Variants in NRSN1 observed in about 807,000 individuals in gnomAD.
NRSN1 encodes neurensin-1.
A neutral mutation model predicts 17.3 loss-of-function variants in NRSN1; 14 were observed. That is an observed-to-expected ratio of 0.81 (90% confidence interval 0.54 to 1.27). NRSN1 has a LOEUF of 1.27. Ranked by LOEUF, NRSN1 falls within the 50% of genes most tolerant of loss-of-function variation. The pLI, the probability that NRSN1 is intolerant of heterozygous loss-of-function variation, is 0.00. For missense variants in NRSN1, 209 were observed against 235.9 expected, an observed-to-expected ratio of 0.89 and a Z score of 0.75; for synonymous variants, 79 against 94.2, an observed-to-expected ratio of 0.84 and a Z score of 0.93.
rs369307316 is a variant in NRSN1, at chr6:24,132,263, C to T, written c.-9-2056C>T. 5.3e-5 allele frequency among the ~76,000 whole-genome samples: 8 copies of T among 152,312 alleles called. No individual in the cohort carries two copies. In the East Asian group the frequency reaches 1.5e-3, roughly 29 times the overall value. On this transcript the variant is annotated intron_variant, in intron 2 of 3. Coordinates refer to ENST00000378491, the MANE Select transcript of NRSN1 (RefSeq NM_080723.5). ...CACTGCACAAGGAATTGCTGACTATCCCTGGTTCCAACTTTGATTTTAGCC... is the reference window on the plus strand; with the variant it reads ...CACTGCACAAGGAATTGCTGACTATTCCTGGTTCCAACTTTGATTTTAGCC...
intron 3 of NRSN1, among the ~76,000 whole-genome samples, chr6:24,144,598 A>C (rs1760270750): frequency 6.6e-6 from 1 of 152,190 alleles, no homozygotes. Context: ...TAGAGAGGAC[A>C]GACTAGAGTG....
chr6:24,135,712 A>G (rs1036830852), intron 3 of NRSN1, among the ~76,000 whole-genome samples: 3 of 152,232 alleles, frequency 2.0e-5, no homozygotes, highest in Non-Finnish European at 4.4e-5. Flanking sequence ...ATTTAAATAT[A>G]TCAATCTACG....
rs71002465 is a variant in NRSN1, at chr6:24,145,193, TATATA to T, written c.190-349_190-345del. On this transcript the variant is annotated intron_variant, in intron 3 of 3. Transcript: ENST00000378491. This position sits in a 1 kb window ranked among gnomAD's most constrained non-coding sequence, Gnocchi z 4.4. ...TATATATTATATAGATCTTTAGCTA[TATATA>T]ATATATCTTTAGATAATATAAAGAT... 0.087 allele frequency among the ~76,000 whole-genome samples: 12,512 copies of T among 144,508 alleles called. 620 individuals are homozygous for T. Among genetic ancestry groups the T allele is most frequent in the Middle Eastern group, 0.14 (37 of 274 alleles). The allele number at this position is 144,508 out of a possible 152,430, so 94.8% of individuals were successfully genotyped here.
intron 3 of NRSN1, among the ~76,000 whole-genome samples, chr6:24,135,329 AC>A (rs1282062545): frequency 6.6e-6 from 1 of 152,200 alleles, no homozygotes; most frequent in Non-Finnish European, 1.5e-5. Flanking sequence ...GAGGGAACAG[AC>A]CTGACTGAAG....
At chr6:24,137,679 C>T (rs1760137904) in intron 3 of NRSN1, among the ~76,000 whole-genome samples, 1 of 152,080 alleles carries the variant, frequency 6.6e-6, no homozygotes, top group Non-Finnish European at 1.5e-5. Context: ...CTATCCCTCC[C>T]CACTCCCCCA....
chr6:24,131,147 T>G (rs1760020811), intron 2 of NRSN1, among the ~76,000 whole-genome samples: 1 of 152,224 alleles, frequency 6.6e-6, no homozygotes, highest in Non-Finnish European at 1.5e-5. Flanking sequence ...GAGCCTTCAA[T>G]CACTCAGGCT....
intron 2 of NRSN1, chr6:24,129,116 C>T (rs1210159167): frequency 6.6e-6 from 1 of 152,216 alleles, no homozygotes; most frequent in African/African-American, 2.4e-5. Flanking sequence ...CACAATAGCA[C>T]ATTCATGAGC....
chr6:24,134,165 A>G (rs1448126067), intron 2 of NRSN1, among the ~76,000 whole-genome samples, 154 bp from the exon 3 acceptor site: 1 of 152,198 alleles, frequency 6.6e-6, no homozygotes, highest in Non-Finnish European at 1.5e-5. Flanking sequence ...CGCCCCGCCA[A>G]GAGAGAGGGG....
At chr6:24,140,402 T>C (rs868063956) in intron 3 of NRSN1, among the ~76,000 whole-genome samples, 1 of 152,180 alleles carries the variant, frequency 6.6e-6, no homozygotes, top group Non-Finnish European at 1.5e-5. Context: ...GGTCAGTCTA[T>C]GGAAGGACCT....
intron 3 of NRSN1, chr6:24,141,372 CA>C: frequency 1.7e-6 from 1 of 593,784 alleles, no homozygotes; most frequent in African/African-American, 1.9e-5. Context: ...CTGCTCTCCT[CA>C]CCTCCCATAT....
chr6:24,140,374 G>A (rs1760185359), intron 3 of NRSN1, among the ~76,000 whole-genome samples: 1 of 152,182 alleles, frequency 6.6e-6, no homozygotes, highest in African/African-American at 2.4e-5. Context: ...CAGGTGAAAG[G>A]GTCTAAGAAG....
intron 3 of NRSN1, among the ~76,000 whole-genome samples, chr6:24,136,003 A>G (rs1167717107): frequency 6.6e-6 from 1 of 152,208 alleles, no homozygotes; most frequent in African/African-American, 2.4e-5. Flanking sequence ...GTGTAACAAG[A>G]GGCTGTATAG....
rs1004685607 is a variant in NRSN1 at position 24,145,147 on chromosome 6, T to A, written c.190-401T>A. Among the ~76,000 whole-genome samples, 11 of 145,022 alleles carry A rather than the reference T, an allele frequency of 7.6e-5. No homozygotes were observed. Among genetic ancestry groups the A allele is most frequent in the Non-Finnish European group, 1.5e-5 (1 of 66,408 alleles). ...TACATATCTTTAGACATATAATATA[T>A]AATATATATATCTTTGGACATATAT... On this transcript the variant is annotated intron_variant, in intron 3 of 3. Coordinates refer to ENST00000378491, the MANE Select transcript of NRSN1 (RefSeq NM_080723.5). This position sits in a 1 kb window ranked among gnomAD's most constrained non-coding sequence, Gnocchi z 4.4.
chr6:24,144,863 AGGG>A (rs1581553959), intron 3 of NRSN1, among the ~76,000 whole-genome samples: 1 of 151,838 alleles, frequency 6.6e-6, no homozygotes, highest in Non-Finnish European at 1.5e-5. Flanking sequence ...GTCGAGGCCT[AGGG>A]GACAGAGTAA....
In NRSN1 at chr6:24,141,344, T is replaced by G. The variant is rs569539798; in HGVS notation, c.190-4204T>G. On this transcript the variant is annotated intron_variant, in intron 3 of 3. Transcript: ENST00000378491. ...CCAGTACTCAGCATGGTACCAAGAC[T>G]AAGCTGATGAGTCCCAACTGCTCTC... 5.1e-5 allele frequency: 49 copies of G among 954,496 alleles called. No individual in the cohort carries two copies. In the African/African-American group the frequency reaches 7.9e-4, roughly 15 times the overall value. The allele number at this position is 954,496 out of a possible 1,614,324, so 59.1% of individuals were successfully genotyped here. A position where few individuals can be genotyped will look rare whatever the true frequency, so the allele number is the denominator to read the frequency against.
chr6:24,137,411 A>G (rs1469792253), intron 3 of NRSN1, among the ~76,000 whole-genome samples: 1 of 152,168 alleles, frequency 6.6e-6, no homozygotes, highest in East Asian at 1.9e-4. Context: ...GTGAACAAAT[A>G]TTCTTCAAAT....
Position 24,145,489 on chromosome 6 carries a change from A to G in NRSN1, c.190-59A>G. On this transcript the variant is annotated intron_variant, in intron 3 of 3. Transcript: ENST00000378491. This position sits in a 1 kb window ranked among gnomAD's most constrained non-coding sequence, Gnocchi z 4.4. ...AGACAAGTGCTGCCCTTGAGGGCTCAGGGGCGAGCCGAAGCACCTTCCTCA... is the reference window on the plus strand; with the variant it reads ...AGACAAGTGCTGCCCTTGAGGGCTCGGGGGCGAGCCGAAGCACCTTCCTCA... 2.2e-6 allele frequency: 3 copies of G among 1,384,700 alleles called. No individual in the cohort carries two copies. Among genetic ancestry groups the G allele is most frequent in the South Asian group, 2.9e-5 (2 of 68,498 alleles). 85.8% of individuals were successfully genotyped at this position (1,384,700 alleles called of 1,614,324 possible). A position where few individuals can be genotyped will look rare whatever the true frequency, so the allele number is the denominator to read the frequency against.
rs1341620503 is a variant in NRSN1, at chr6:24,146,933, T to A, written c.*987T>A. The A allele has an allele frequency of 6.6e-6, 1 of 152,172 alleles. No individual in the cohort carries two copies. Among genetic ancestry groups the A allele is most frequent in the Non-Finnish European group, 1.5e-5 (1 of 68,046 alleles). 9.4% of individuals were successfully genotyped at this position (152,172 alleles called of 1,614,324 possible). A position where few individuals can be genotyped will look rare whatever the true frequency, so the allele number is the denominator to read the frequency against. On this transcript the variant is annotated 3_prime_UTR_variant, in exon 4 of 4. Coordinates refer to ENST00000378491, the MANE Select transcript of NRSN1 (RefSeq NM_080723.5). ...AATGGGAGTTCTGGATCACAATATG[T>A]CTGGGCTCTCATTACCCAAACATCT...
intron 3 of NRSN1, among the ~76,000 whole-genome samples, chr6:24,143,106 T>G (rs1760242767): frequency 6.6e-6 from 1 of 152,208 alleles, no homozygotes; most frequent in Admixed American, 6.5e-5. Context: ...TACAAACCTT[T>G]AGCTAGACAC....
Sources: gnomAD v4.1 joint callset for allele counts (sites outside exome capture counted in the v4.1 genomes callset) on GRCh38, gnomAD v4.1.1 for gene constraint, Gnocchi (gnomAD v3.1) non-coding constraint, MANE v1.5 for transcripts, NCBI Gene and HGNC (gene_info 2026-07-23, HGNC 2026-07-21) for gene names.